Variants in CTNNA3 observed in about 807,000 individuals in gnomAD.
CTNNA3 encodes catenin alpha-3.
CTNNA3 carries 76 observed loss-of-function variants against 95.7 expected under a neutral mutation model. The observed-to-expected ratio is 0.79, with a 90% confidence interval of 0.66 to 0.96. The LOEUF (loss-of-function observed/expected upper bound fraction) is 0.96, where lower values mean the gene tolerates loss of function less well. CTNNA3 is among the 40% of genes least tolerant of loss of function. The pLI is 0.00. For synonymous variants in CTNNA3, 431 were observed against 374.4 expected, an observed-to-expected ratio of 1.15 and a Z score of -1.74; for missense variants, 1,191 against 1,089.8, an observed-to-expected ratio of 1.09 and a Z score of -1.31.
At chr10:67,504,097 C>T (rs1839336958) in intron 5 of CTNNA3, among the ~76,000 whole-genome samples, 1 of 149,374 alleles carries the variant, frequency 6.7e-6, no homozygotes, top group African/African-American at 2.5e-5. Flanking sequence ...GTGGAGCTTG[C>T]AGTGAGCCGA....
intron 9 of CTNNA3, among the ~76,000 whole-genome samples, chr10:66,660,894 T>C (rs1308488762): frequency 1.3e-5 from 2 of 152,150 alleles, no homozygotes; most frequent in Non-Finnish European, 2.9e-5. Flanking sequence ...GTGAGCTCCA[T>C]GGGATCAGGG....
intron 5 of CTNNA3, among the ~76,000 whole-genome samples, chr10:67,424,341 C>T (rs780904247): frequency 6.6e-5 from 10 of 152,164 alleles, no homozygotes; most frequent in South Asian, 2.1e-4. Flanking sequence ...AAAAATGAAA[C>T]GAAAGCCAGA....
chr10:66,875,226 C>T (rs1844569747), intron 7 of CTNNA3, among the ~76,000 whole-genome samples: 1 of 151,916 alleles, frequency 6.6e-6, no homozygotes, highest in Admixed American at 6.6e-5. Context: ...AGGAGAGGAG[C>T]AGGTTGAGAA....
At chr10:66,184,645 G>A (rs2086235274) in intron 13 of CTNNA3, among the ~76,000 whole-genome samples, 1 of 152,076 alleles carries the variant, frequency 6.6e-6, no homozygotes, top group South Asian at 2.1e-4. Flanking sequence ...ATTTCAGACT[G>A]TTCTCATTGG....
At chr10:66,719,560 G>T (rs1848560039) in intron 9 of CTNNA3, among the ~76,000 whole-genome samples, 1 of 152,114 alleles carries the variant, frequency 6.6e-6, no homozygotes, top group South Asian at 2.1e-4. Context: ...TGCACATGGG[G>T]CATCAAGGGT....
chr10:66,147,168 T>C (rs1186001374), intron 13 of CTNNA3, among the ~76,000 whole-genome samples: 1 of 152,138 alleles, frequency 6.6e-6, no homozygotes, highest in Non-Finnish European at 1.5e-5. Context: ...TAACCTTAAA[T>C]AGAAGAAAGT....
rs113443268 is a variant in CTNNA3 at position 67,240,319 on chromosome 10, T to C, written c.580-20449A>G. On this transcript the variant is annotated intron_variant, in intron 5 of 17. Coordinates refer to ENST00000433211, the MANE Select transcript of CTNNA3 (RefSeq NM_013266.4). ...TGCATACCAATTGCTTCACTGGTCA[T>C]TGGGCAGCTTCATGTTCTATTAGGA... Among the ~76,000 whole-genome samples the C allele has an allele frequency of 4.0e-3, 615 of 152,342 alleles. 7 individuals are homozygous for C. The highest frequency in any genetic ancestry group is 0.014 in the African/African-American group (578 of 41,570).
Position 66,757,251 on chromosome 10 carries a change from A to G in CTNNA3, c.1281+9013T>C, listed in dbSNP as rs71496006. On this transcript the variant is annotated intron_variant, in intron 9 of 17. Transcript: ENST00000433211. The stretch of plus-strand genomic sequence containing the variant: ...ATTTTCTGTCTCCACCTTAGGGCTG[A>G]GAGGGGGCTGAGTGATAGGGAGTGG... 0.013 allele frequency among the ~76,000 whole-genome samples: 2,051 copies of G among 152,200 alleles called. 84 individuals carry two copies. In the East Asian group the frequency reaches 0.16, roughly 12 times the overall value.
At chr10:66,662,942 C>CAATTCATTCTAT (rs1424534720) in intron 9 of CTNNA3, among the ~76,000 whole-genome samples, 1 of 152,058 alleles carries the variant, frequency 6.6e-6, no homozygotes, top group East Asian at 1.9e-4. Flanking sequence ...TTACTACTTT[C>CAATTCATTCTAT]AATTCATTCT....
At chr10:67,761,861 G>A (rs1346341316) in intron 1 of CTNNA3, among the ~76,000 whole-genome samples, 1 of 146,316 alleles carries the variant, frequency 6.8e-6, no homozygotes, top group Non-Finnish European at 1.5e-5. Flanking sequence ...CTGGGCGACA[G>A]AGCAAGACTC....
chr10:67,208,850 G>C (rs2132233836), intron 6 of CTNNA3, among the ~76,000 whole-genome samples: 1 of 152,112 alleles, frequency 6.6e-6, no homozygotes, highest in South Asian at 2.1e-4. Context: ...TAAAATTATT[G>C]TCAAAGATAC....
At chr10:66,373,433 A>G (rs958526467) in intron 12 of CTNNA3, among the ~76,000 whole-genome samples, 1 of 152,080 alleles carries the variant, frequency 6.6e-6, no homozygotes, top group Non-Finnish European at 1.5e-5. Flanking sequence ...CCACACTCCT[A>G]TGGGAACAGA....
chr10:66,272,995 G>C lies in CTNNA3; in HGVS notation c.1884+7475C>G, dbSNP rs181639082. Among the ~76,000 whole-genome samples the C allele has an allele frequency of 5.0e-3, 765 of 152,260 alleles. 2 individuals carry two copies. Among genetic ancestry groups the C allele is most frequent in the Middle Eastern group, 0.01 (3 of 294 alleles). On this transcript the variant is annotated intron_variant, in intron 13 of 17. Transcript: ENST00000433211. Reference sequence around the variant, plus strand: ...CCCTGTGGCTGTGACTTTTGAGTCTGAAGAGTGATAGCAAAACTAATACCA... The same window carrying C: ...CCCTGTGGCTGTGACTTTTGAGTCTCAAGAGTGATAGCAAAACTAATACCA...
intron 7 of CTNNA3, among the ~76,000 whole-genome samples, chr10:67,122,692 G>GC (rs1859530354): frequency 6.6e-6 from 1 of 152,012 alleles, no homozygotes; most frequent in Non-Finnish European, 1.5e-5. Flanking sequence ...AGCATTAAGG[G>GC]ATGTCTTTGT....
rs12250463 is a variant in CTNNA3, at chr10:66,005,709, G to A, written c.2160-16912C>T. ...CCTTGAAAGCACATAAGGCTCTGGC[G>A]TGGGGCAAAAGGAAGAAGGAAACCT... On this transcript the variant is annotated intron_variant, in intron 15 of 17. Transcript: ENST00000433211. Among the ~76,000 whole-genome samples, 2,246 of 152,134 alleles carry A rather than the reference G, an allele frequency of 0.015. 110 individuals are homozygous for A. The East Asian group carries it at 0.18, about 12-fold the overall frequency.
intron 1 of CTNNA3, among the ~76,000 whole-genome samples, chr10:67,749,567 T>C (rs1841393552): frequency 6.6e-6 from 1 of 152,060 alleles, no homozygotes; most frequent in Non-Finnish European, 1.5e-5. Context: ...GACTCCTAGG[T>C]AAATAATGAA....
At chr10:66,313,135 A>G (rs1374998784) in intron 12 of CTNNA3, among the ~76,000 whole-genome samples, 2 of 152,180 alleles carry the variant, frequency 1.3e-5, no homozygotes, top group Non-Finnish European at 2.9e-5. Flanking sequence ...AGCACTTCCT[A>G]TGGGCTGGAC....
intron 15 of CTNNA3, among the ~76,000 whole-genome samples, chr10:66,002,862 G>A (rs139502441): frequency 3.1e-4 from 47 of 152,264 alleles, no homozygotes; most frequent in South Asian, 1.7e-3. Context: ...ATTCTATTCC[G>A]TTCGGGAAAG....
chr10:67,310,689 G>A (rs958298685), intron 5 of CTNNA3, among the ~76,000 whole-genome samples: 1 of 152,194 alleles, frequency 6.6e-6, no homozygotes, highest in African/African-American at 2.4e-5. Flanking sequence ...TGACAGGAGA[G>A]AGAAGTGAAA....
Sources: allele counts gnomAD v4.1 joint callset (sites outside exome capture counted in the v4.1 genomes callset), GRCh38; gene constraint gnomAD v4.1.1; transcripts MANE v1.5; gene names NCBI Gene and HGNC (gene_info 2026-07-23, HGNC 2026-07-21).